ZNF667: variants seen among roughly 807,000 people sequenced by gnomAD.
The protein encoded by ZNF667 is myocardial ischemic preconditioning upregulated 1 ortholog.
In ZNF667, 13 loss-of-function variants were observed where a neutral mutation model predicts 31.8. The ratio of observed to expected loss-of-function variants is 0.41; its 90% CI spans 0.27 to 0.65. The LOEUF (loss-of-function observed/expected upper bound fraction) is 0.65, where lower values mean the gene tolerates loss of function less well. ZNF667 is among the 30% of genes least tolerant of loss of function. ZNF667 has a pLI of 0.32. For synonymous variants in ZNF667, 228 were observed against 247.1 expected (o/e 0.92, Z 0.73); for missense variants, 642 against 725.6 (o/e 0.88, Z 1.32).
At chr19:56,467,124 A>G (rs2043178995) in intron 3 of ZNF667, 1 of 450,632 alleles carries the variant, frequency 2.2e-6, no homozygotes, top group Admixed American at 2.4e-5. Flanking sequence ...AGGGGCCTCT[A>G]ATTAGCACTG....
At chr19:56,472,760 G>A (rs1204906798) in intron 2 of ZNF667, 5 of 152,162 alleles carry the variant, frequency 3.3e-5, no homozygotes, top group African/African-American at 7.2e-5. Flanking sequence ...TTATTGCTTA[G>A]GTGTCAGTAA....
chr19:56,440,640 AT>A lies in ZNF667; in HGVS notation c.*521del, dbSNP rs5828682. ...CTATGCTGGAAGTAAAATATCGGTA[AT>A]TTTTTTTTTTTTTGACACAGAGTCT... On this transcript the variant is annotated 3_prime_UTR_variant, in exon 7 of 7. Transcript: ENST00000504904. The A allele has an allele frequency of 0.026, 21,478 of 813,658 alleles. No homozygotes were observed. The highest frequency in any genetic ancestry group is 0.036 in the Middle Eastern group (57 of 1,568). The allele number at this position is 813,658 out of a possible 1,614,324, so 50.4% of individuals were successfully genotyped here.
Position 56,458,193 on chromosome 19 carries a change from G to A in ZNF667, c.215C>T (p.Pro72Leu). 1.2e-6 allele frequency: 2 copies of A among 1,614,140 alleles called. No individual in the cohort carries two copies. The highest frequency in any genetic ancestry group is 1.7e-6 in the Non-Finnish European group (2 of 1,180,024). Residue 72 changes from proline (P) to leucine (L), a missense_variant, in exon 6 of 7, where the codon CCC becomes CTC. Coordinates refer to ENST00000504904, the MANE Select transcript of ZNF667 (RefSeq NM_001321356.2). ...TCTTCTTACTGGCTCTACCATCCAG[G>A]GTGCTTTCCCTTTCTCCAATAAGGT... ...VITLLEKGKAPWMVEPVRRRR... is the reference protein window; with the variant it reads ...VITLLEKGKALWMVEPVRRRR...
chr19:56,461,860 T>TTAA (rs2147784599), intron 4 of ZNF667, among the ~76,000 whole-genome samples: 1 of 152,352 alleles, frequency 6.6e-6, no homozygotes, highest in Admixed American at 6.5e-5. Flanking sequence ...TGGTGCCTTT[T>TTAA]AGTCTTGGGA....
intron 3 of ZNF667, chr19:56,467,020 C>T: frequency 2.2e-6 from 1 of 456,696 alleles, no homozygotes; most frequent in South Asian, 1.5e-5. Flanking sequence ...GATCCAAGAA[C>T]CCTCTCTTAT....
At chr19:56,450,886 A>G (rs1299679922) in intron 6 of ZNF667, among the ~76,000 whole-genome samples, 1 of 152,194 alleles carries the variant, frequency 6.6e-6, no homozygotes, top group South Asian at 2.1e-4. Flanking sequence ...CACAAAAAAT[A>G]TAATTCAAGA....
Position 56,442,292 on chromosome 19 carries a change from T to C in ZNF667, c.703A>G (p.Ser235Gly), listed in dbSNP as rs751439583. 1 of 1,614,144 alleles carries C rather than the reference T, an allele frequency of 6.2e-7. No individual in the cohort carries two copies. The highest frequency in any genetic ancestry group is 8.5e-7 in the Non-Finnish European group (1 of 1,180,002). ...KEILDCGKAL[S>G]QCQSFNIHQK... Reference sequence around the variant, plus strand: ...TGTATATTGAAAGACTGACATTGACTCAAGGCCTTCCCACAGTCAAGAATT... The same window carrying C: ...TGTATATTGAAAGACTGACATTGACCCAAGGCCTTCCCACAGTCAAGAATT... Residue 235 changes from serine to glycine, a missense_variant, in exon 7 of 7, where the codon AGT becomes GGT. Transcript: ENST00000504904.
chr19:56,455,352 A>G (rs1471478553), intron 6 of ZNF667, among the ~76,000 whole-genome samples: 1 of 152,202 alleles, frequency 6.6e-6, no homozygotes, highest in African/African-American at 2.4e-5. Flanking sequence ...AAATTAGTAT[A>G]TAAAAAAGAT....
At chr19:56,454,721 C>G (rs537044652) in intron 6 of ZNF667, among the ~76,000 whole-genome samples, 1 of 91,572 alleles carries the variant, frequency 1.1e-5, no homozygotes, top group African/African-American at 3.5e-5. Context: ...AATCAAACTA[C>G]TAAAACAAAA....
intron 6 of ZNF667, among the ~76,000 whole-genome samples, chr19:56,452,792 C>T (rs1049236618): frequency 3.3e-5 from 5 of 151,776 alleles, no homozygotes; most frequent in Admixed American, 2.0e-4. Flanking sequence ...TGGTGGCGGA[C>T]GCTTGTAATC....
intron 3 of ZNF667, among the ~76,000 whole-genome samples, chr19:56,463,417 T>C (rs1485410461): frequency 6.6e-6 from 1 of 152,046 alleles, no homozygotes. Context: ...TCTCAAAGAA[T>C]CTCTGCCCTG....
intron 3 of ZNF667, among the ~76,000 whole-genome samples, chr19:56,463,273 G>C (rs1326178387): frequency 6.6e-5 from 10 of 152,160 alleles, no homozygotes. Context: ...GAGGGAGCAG[G>C]AGTGAGGACA....
chr19:56,442,520 G>A lies in ZNF667; in HGVS notation c.475C>T (p.Leu159Phe), dbSNP rs752336655. The change falls in exon 7 of 7, where the codon CTT (leucine) becomes TTT (phenylalanine). Residue 159 changes from leucine to phenylalanine, a missense_variant. Transcript: ENST00000504904. ...GTATGAATGTTCTGATGAAGTTTAAGAGAGAAGCTTCGACTAAAGGTTTTA... is the reference window on the plus strand; with the variant it reads ...GTATGAATGTTCTGATGAAGTTTAAAAGAGAAGCTTCGACTAAAGGTTTTA... ...CGKTFSRSFS[L>F]KLHQNIHTGE... is the part of the protein sequence containing the mutation. 1.2e-6 allele frequency: 2 copies of A among 1,613,814 alleles called. No individual in the cohort carries two copies. Among genetic ancestry groups the A allele is most frequent in the Non-Finnish European group, 1.7e-6 (2 of 1,179,908 alleles).
At chr19:56,476,074 C>A (rs2043399533) in intron 1 of ZNF667, among the ~76,000 whole-genome samples, 1 of 152,122 alleles carries the variant, frequency 6.6e-6, no homozygotes, top group South Asian at 2.1e-4. Flanking sequence ...TCACCATAAA[C>A]CTGAGGTTGG....
chr19:56,441,904 T>A lies in ZNF667; in HGVS notation c.1091A>T (p.Asp364Val). The A allele has an allele frequency of 6.2e-7, 1 of 1,614,174 alleles. No homozygotes were observed. Among genetic ancestry groups the A allele is most frequent in the Non-Finnish European group, 8.5e-7 (1 of 1,180,028 alleles). Residue 364 changes from aspartate to valine, a missense_variant, in exon 7 of 7, where the codon GAC becomes GTC. By Grantham distance (152) the Asp-to-Val change is radical. Transcript: ENST00000504904. This position sits in a 1 kb window ranked among gnomAD's most constrained non-coding sequence, Gnocchi z 4.2. The part of the protein sequence containing the change: ...SEKPYKCDKC[D>V]KFFRRLSTLI... The stretch of plus-strand genomic sequence containing the variant: ...GGTTGAAAGCCGCCTGAAGAACTTG[T>A]CACATTTATCACATTTGTACGGTTT...
chr19:56,446,949 C>T (rs1464585083), intron 6 of ZNF667, among the ~76,000 whole-genome samples: 1 of 152,124 alleles, frequency 6.6e-6, no homozygotes, highest in African/African-American at 2.4e-5. Flanking sequence ...CATATCCCCT[C>T]AGCCCATCTC....
chr19:56,461,162 T>TA (rs1307971188), intron 4 of ZNF667, among the ~76,000 whole-genome samples: 1 of 152,086 alleles, frequency 6.6e-6, no homozygotes, highest in Non-Finnish European at 1.5e-5. Flanking sequence ...CACAGTATGT[T>TA]ACAGATGAGG....
At chr19:56,444,482 C>T (rs909412414) in intron 6 of ZNF667, among the ~76,000 whole-genome samples, 12 of 151,964 alleles carry the variant, frequency 7.9e-5, no homozygotes, top group African/African-American at 2.7e-4. Context: ...CCACAGACCC[C>T]ACCTCCAACA....
rs112373673 is a variant in ZNF667, at chr19:56,443,106, A to G, written c.254-365T>C. On this transcript the variant is annotated intron_variant, in intron 6 of 6. Coordinates refer to ENST00000504904, the MANE Select transcript of ZNF667 (RefSeq NM_001321356.2). ...GAAGATAAGTGGTTGCCTGGGGCTC[A>G]AGGTAGGAATGGGGATTAACTGAAA... Among the ~76,000 whole-genome samples the G allele has an allele frequency of 1.7e-3, 264 of 152,276 alleles. 1 individual carries two copies. Among genetic ancestry groups the G allele is most frequent in the African/African-American group, 6.1e-3 (255 of 41,562 alleles).
Sources: allele counts gnomAD v4.1 joint callset (sites outside exome capture counted in the v4.1 genomes callset), GRCh38; gene constraint gnomAD v4.1.1; non-coding constraint Gnocchi (gnomAD v3.1); transcripts MANE v1.5; gene names NCBI Gene and HGNC (gene_info 2026-07-23, HGNC 2026-07-21).